Variants in GFOD1 observed in about 807,000 individuals in gnomAD.
The protein encoded by GFOD1 is Gfo/Idh/MocA-like oxidoreductase domain containing 1.
Under a neutral mutation model 25.4 loss-of-function variants are expected in GFOD1, and 9 were observed. The observed-to-expected ratio is 0.35, with a 90% CI of 0.21 to 0.62. The LOEUF is 0.62. Ranked by LOEUF, GFOD1 falls within the 20% of genes least tolerant of loss-of-function variation. GFOD1 has a pLI of 0.72. For synonymous variants in GFOD1, 253 were observed against 245.6 expected (o/e 1.03, Z -0.28); for missense variants, 403 against 556.9 (o/e 0.72, Z 2.78).
intron 1 of GFOD1, among the ~76,000 whole-genome samples, chr6:13,475,142 G>C (rs969590653): frequency 6.6e-6 from 1 of 152,080 alleles, no homozygotes; most frequent in African/African-American, 2.4e-5. Flanking sequence ...GATTTGAATA[G>C]TCATTTTATC....
chr6:13,487,256 A>C lies in GFOD1; in HGVS notation c.-366T>G. 4.5e-6 allele frequency: 1 copy of C among 222,164 alleles called. No homozygotes were observed. The highest frequency in any genetic ancestry group is 8.7e-6 in the Non-Finnish European group (1 of 114,614). The allele number at this position is 222,164 out of a possible 1,614,324, so 13.8% of individuals were successfully genotyped here. On this transcript the variant is annotated 5_prime_UTR_variant, in exon 1 of 2. It removes an upstream start codon present in the reference 5' UTR. Transcript: ENST00000379287. The surrounding 1 kb of genome is among the most constrained non-coding windows in gnomAD (Gnocchi z 4.9). ...GCGTGCGCCCCGCCAAGGCCGCTCC[A>C]TGGCCGGCTCATCCCCGCGGCCGCG...
intron 1 of GFOD1, among the ~76,000 whole-genome samples, chr6:13,405,091 T>G (rs1011260934): frequency 3.3e-5 from 5 of 152,244 alleles, no homozygotes; most frequent in Admixed American, 3.3e-4. Flanking sequence ...GAAATCTCTT[T>G]GTTGGCTATC....
chr6:13,448,770 C>G (rs1758047458), intron 1 of GFOD1, among the ~76,000 whole-genome samples: 1 of 152,202 alleles, frequency 6.6e-6, no homozygotes, highest in African/African-American at 2.4e-5. Context: ...AAAACAGCCT[C>G]TGAGGGTCAT....
rs541118612 is a variant in GFOD1, at chr6:13,364,779, C to T, written c.1137G>A (p.Glu379=). ...GGGACATCCTGCTGCGGCGCATGGC[C>T]TCGCTGATCAGGTAGGCGGGGCTCA... ...PELSPAYLIS[E]AMRRSRMSLY... is the part of the protein sequence containing the mutation. Residue 379 remains glutamate, a synonymous_variant, in exon 2 of 2, where the codon GAG becomes GAA. Transcript: ENST00000379287. This position sits in a 1 kb window ranked among gnomAD's most constrained non-coding sequence, Gnocchi z 4.1. 6.2e-7 allele frequency: 1 copy of T among 1,613,596 alleles called. No homozygotes were observed. Among genetic ancestry groups the T allele is most frequent in the African/African-American group, 1.3e-5 (1 of 74,932 alleles).
chr6:13,421,388 G>A (rs1237782152), intron 1 of GFOD1, among the ~76,000 whole-genome samples: 4 of 152,146 alleles, frequency 2.6e-5, no homozygotes, highest in African/African-American at 9.7e-5. Context: ...CAGCCACTCT[G>A]GAGGCTGAGG....
chr6:13,486,945 G>A lies in GFOD1; in HGVS notation c.-55C>T, dbSNP rs1304683467. ...TGCTCGGATCTCCAGTCCAACGCGC[G>A]CACACACCCACCTCTAGCCAGTCCT... On this transcript the variant is annotated 5_prime_UTR_variant, in exon 1 of 2. Transcript: ENST00000379287. The A allele has an allele frequency of 2.5e-6, 4 of 1,572,830 alleles. No homozygotes were observed. In the African/African-American group the frequency reaches 5.4e-5, roughly 21 times the overall value.
chr6:13,460,018 C>T (rs1758264619), intron 1 of GFOD1, among the ~76,000 whole-genome samples: 1 of 152,222 alleles, frequency 6.6e-6, no homozygotes. Flanking sequence ...CCTGTAATCC[C>T]AGCTACTGGG....
At chr6:13,367,952 G>C (rs1584606371) in intron 1 of GFOD1, among the ~76,000 whole-genome samples, 1 of 152,182 alleles carries the variant, frequency 6.6e-6, no homozygotes, top group South Asian at 2.1e-4. Context: ...AAGAGAAATG[G>C]GGTGATGAGA....
At chr6:13,392,962 TG>T (rs1785644008) in intron 1 of GFOD1, among the ~76,000 whole-genome samples, 1 of 151,660 alleles carries the variant, frequency 6.6e-6, no homozygotes, top group Non-Finnish European at 1.5e-5. Context: ...CTTGGGGGGC[TG>T]AGGCAGGAGG....
At chr6:13,486,374 C>T in intron 1 of GFOD1, 1 of 565,482 alleles carries the variant, frequency 1.8e-6, no homozygotes, top group Non-Finnish European at 3.1e-6. Flanking sequence ...CCCCGGAACA[C>T]ACGCCTTCTC....
intron 1 of GFOD1, among the ~76,000 whole-genome samples, chr6:13,380,151 C>T (rs919423560): frequency 5.3e-5 from 8 of 152,162 alleles, no homozygotes; most frequent in Non-Finnish European, 1.0e-4. Flanking sequence ...GAGGTAAGTG[C>T]GTGGCAGCAC....
At chr6:13,391,511 C>CAA (rs57340590) in intron 1 of GFOD1, among the ~76,000 whole-genome samples, 46,211 of 108,776 alleles carry the variant, frequency 0.42, 6,620 homozygotes, top group South Asian at 0.54. Flanking sequence ...AACAAACAAA[C>CAA]AAAAAAAAAA....
intron 1 of GFOD1, among the ~76,000 whole-genome samples, chr6:13,433,508 T>C (rs1390215596): frequency 3.9e-5 from 6 of 152,212 alleles, no homozygotes; most frequent in African/African-American, 1.4e-4. Context: ...TAGATGCTGA[T>C]AGCTCCTCAA....
At position 13,460,316 on chromosome 6, in the gene GFOD1, T is replaced by C. The variant is rs999742535; in HGVS notation, c.253+26322A>G. Among the ~76,000 whole-genome samples, 3 of 152,156 alleles carry C rather than the reference T, an allele frequency of 2.0e-5. No homozygotes were observed. The South Asian group carries it at 6.2e-4, about 32-fold the overall frequency. ...GGCCCAGCAATCCCATTACTAGGTA[T>C]ATACTCAAAGGAATATAAATCATTG... On this transcript the variant is annotated intron_variant, in intron 1 of 1. Coordinates refer to ENST00000379287, the MANE Select transcript of GFOD1 (RefSeq NM_018988.4).
intron 1 of GFOD1, among the ~76,000 whole-genome samples, chr6:13,381,956 C>G (rs1468998673): frequency 6.7e-6 from 1 of 150,278 alleles, no homozygotes; most frequent in African/African-American, 2.5e-5. Context: ...CACACACAAA[C>G]TTGCTGACTG....
intron 1 of GFOD1, among the ~76,000 whole-genome samples, chr6:13,449,007 A>C (rs1758051641): frequency 6.6e-6 from 1 of 152,214 alleles, no homozygotes; most frequent in African/African-American, 2.4e-5. Context: ...TACTCAAAAA[A>C]ACAAAAACTG....
chr6:13,370,789 C>T (rs907805854), intron 1 of GFOD1, among the ~76,000 whole-genome samples: 2 of 152,092 alleles, frequency 1.3e-5, no homozygotes, highest in Non-Finnish European at 2.9e-5. Context: ...CCTAAAACCA[C>T]GTGCAACGTA....
intron 1 of GFOD1, among the ~76,000 whole-genome samples, chr6:13,416,370 G>T (rs1380556416): frequency 6.6e-6 from 1 of 152,198 alleles, no homozygotes; most frequent in African/African-American, 2.4e-5. Flanking sequence ...ATCATTTCAG[G>T]TTGTGAAAAT....
At position 13,484,675 on chromosome 6, in the gene GFOD1, A is replaced by G. The variant is rs545141686; in HGVS notation, c.253+1963T>C. ...TTTGAAAAATAAGAACAGAAGAAGT[A>G]TCCAGAAATGTCTAATTTGTGTCAC... On this transcript the variant is annotated intron_variant, in intron 1 of 1. Coordinates refer to ENST00000379287, the MANE Select transcript of GFOD1 (RefSeq NM_018988.4). Among the ~76,000 whole-genome samples, 6 of 152,350 alleles carry G rather than the reference A, an allele frequency of 3.9e-5. No homozygotes were observed. In the East Asian group the frequency reaches 1.2e-3, roughly 29 times the overall value.
Sources: allele counts gnomAD v4.1 joint callset (sites outside exome capture counted in the v4.1 genomes callset), GRCh38; gene constraint gnomAD v4.1.1; non-coding constraint Gnocchi (gnomAD v3.1); transcripts MANE v1.5; gene names NCBI Gene and HGNC (gene_info 2026-07-23, HGNC 2026-07-21).